Variants in MZT2B observed in about 807,000 individuals in gnomAD.
MZT2B encodes mitotic-spindle organizing protein 2B.
Under a neutral mutation model 12.1 loss-of-function variants are expected in MZT2B, and 11 were observed. The observed-to-expected ratio is 0.91, with a 90% confidence interval of 0.57 to 1.50. The LOEUF (loss-of-function observed/expected upper bound fraction) is 1.50, where lower values mean the gene tolerates loss of function less well. Ranked by LOEUF, MZT2B falls within the 40% of genes most tolerant of loss-of-function variation. The pLI is 0.00. For missense variants in MZT2B, 209 were observed against 227.7 expected, an observed-to-expected ratio of 0.92 and a Z score of 0.53; for synonymous variants, 85 against 109.5, an observed-to-expected ratio of 0.78 and a Z score of 1.40.
At chr2:130,184,880 G>A in intron 2 of MZT2B, 1 of 985,314 alleles carries the variant, frequency 1.0e-6, no homozygotes, top group Non-Finnish European at 1.2e-6. Context: ...AAAACCACCA[G>A]CGAGACCAGT....
the MZT2B span, among the ~76,000 whole-genome samples, chr2:130,203,450 C>T: frequency 6.6e-6 from 1 of 151,946 alleles, no homozygotes; most frequent in Non-Finnish European, 1.5e-5. Flanking sequence ...ACTAAACAGC[C>T]AGACTGTTGG....
downstream of MZT2B, chr2:130,194,419 A>C (rs1345675169): frequency 6.9e-6 from 11 of 1,601,460 alleles, no homozygotes; most frequent in Non-Finnish European, 9.4e-6. Flanking sequence ...TGCCGCCCCC[A>C]AAGCTGTGGA....
chr2:130,189,077 G>A (rs374627380), intron 2 of MZT2B, among the ~76,000 whole-genome samples: 14 of 152,242 alleles, frequency 9.2e-5, no homozygotes, highest in South Asian at 4.1e-4. Flanking sequence ...AACCTTTCCA[G>A]GATGAGAGCC....
downstream of MZT2B, among the ~76,000 whole-genome samples, chr2:130,192,876 G>A (rs1182172364): frequency 1.3e-5 from 2 of 152,064 alleles, no homozygotes; most frequent in Admixed American, 6.6e-5. Context: ...GGCAGATCAC[G>A]TGAGGCCAGG....
chr2:130,198,739 C>T, the MZT2B span, among the ~76,000 whole-genome samples: 3 of 123,708 alleles, frequency 2.4e-5, 1 homozygote, highest in African/African-American at 8.7e-5. Context: ...CTGCCCCTCC[C>T]TGATTGCCCC....
chr2:130,193,598 G>A (rs1406041716), downstream of MZT2B, among the ~76,000 whole-genome samples: 1 of 117,458 alleles, frequency 8.5e-6, no homozygotes, highest in African/African-American at 3.4e-5. Context: ...GACAGAGCAA[G>A]ACTGTCTCAA....
At chr2:130,198,842 C>T in the MZT2B span, among the ~76,000 whole-genome samples, 2 of 123,550 alleles carry the variant, frequency 1.6e-5, no homozygotes, top group Non-Finnish European at 3.6e-5. Context: ...ACAGCAGCAC[C>T]GCAATTATCC....
chr2:130,185,479 CAAA>C (rs11316338), intron 2 of MZT2B, among the ~76,000 whole-genome samples: 131 of 76,136 alleles, frequency 1.7e-3, no homozygotes, highest in East Asian at 2.9e-3. Context: ...GACCCTGTCT[CAAA>C]AAAAAAAAAA....
At chr2:130,185,740 C>T (rs1409986835) in intron 2 of MZT2B, among the ~76,000 whole-genome samples, 3 of 132,234 alleles carry the variant, frequency 2.3e-5, no homozygotes, top group Non-Finnish European at 4.8e-5. Context: ...ACTGGAAATG[C>T]AGGCATAGAG....
chr2:130,182,384 C>T lies in MZT2B; in HGVS notation c.102C>T (p.Ser34=). 5 of 1,555,492 alleles carry T rather than the reference C, an allele frequency of 3.2e-6. No individual in the cohort carries two copies. The highest frequency in any genetic ancestry group is 4.3e-6 in the Non-Finnish European group (5 of 1,154,306). The part of the protein sequence containing the change: ...KLALRRKKVL[S]TEEMELYELA... Reference sequence around the variant, plus strand: ...CGCTGCGGCGGAAGAAGGTGCTGAGCACCGAGGAGATGGAGCTGTACGAGC... The same window carrying T: ...CGCTGCGGCGGAAGAAGGTGCTGAGTACCGAGGAGATGGAGCTGTACGAGC... The change falls in exon 1 of 3, where the codon AGC becomes AGT. Residue 34 remains serine (S), a synonymous_variant. Coordinates refer to ENST00000281871, the MANE Select transcript of MZT2B (RefSeq NM_025029.5).
At chr2:130,184,267 G>C (rs1689962049) in intron 2 of MZT2B, 2 of 985,340 alleles carry the variant, frequency 2.0e-6, no homozygotes, top group Non-Finnish European at 2.4e-6. Context: ...GCCGGCCAGA[G>C]TGCGGTGTGC....
At chr2:130,196,905 C>G in the MZT2B span, among the ~76,000 whole-genome samples, 8 of 152,152 alleles carry the variant, frequency 5.3e-5, no homozygotes, top group African/African-American at 2.4e-5. Flanking sequence ...AGAGGCCTTC[C>G]TCGCCCTCTG....
At chr2:130,198,238 A>G in the MZT2B span, 36 of 1,156,492 alleles carry the variant, frequency 3.1e-5, 7 homozygotes, top group African/African-American at 5.3e-4. Context: ...CCCGCACTAG[A>G]CCCTGCGTCC....
At chr2:130,204,046 T>G in the MZT2B span, 1 of 396,404 alleles carries the variant, frequency 2.5e-6, no homozygotes, top group South Asian at 2.1e-5. Context: ...CTCCCATCTG[T>G]GGCTTTAATC....
At chr2:130,195,152 C>T (rs3863907), downstream of MZT2B, 636,823 of 1,531,672 alleles carry the variant, frequency 0.42, 147,866 homozygotes, top group African/African-American at 0.78. Context: ...GGCGTAATTA[C>T]TGGCTGCATC....
downstream of MZT2B, chr2:130,193,849 G>A (rs567079016): frequency 1.7e-5 from 28 of 1,614,132 alleles, no homozygotes; most frequent in East Asian, 4.5e-4. Context: ...TGGTGGCGAT[G>A]GCCGCATTGA....
At chr2:130,192,800 A>G (rs991864554), downstream of MZT2B, among the ~76,000 whole-genome samples, 4 of 152,214 alleles carry the variant, frequency 2.6e-5, no homozygotes, top group African/African-American at 7.2e-5. Context: ...CTCGTTCTAT[A>G]AATGACAACA....
At chr2:130,201,867 A>C in the MZT2B span, among the ~76,000 whole-genome samples, 1 of 152,222 alleles carries the variant, frequency 6.6e-6, no homozygotes, top group African/African-American at 2.4e-5. Context: ...TACAGCAAGG[A>C]TTTATGTATC....
intron 2 of MZT2B, 124 bp from the exon 3 acceptor site, chr2:130,190,345 T>G: frequency 1.4e-6 from 2 of 1,441,928 alleles, no homozygotes; most frequent in Non-Finnish European, 9.4e-7. Flanking sequence ...ATGCAGGGCC[T>G]CTAGCTGAAG....
Sources: gnomAD v4.1 joint callset for allele counts (sites outside exome capture counted in the v4.1 genomes callset) on GRCh38, gnomAD v4.1.1 for gene constraint, MANE v1.5 for transcripts, NCBI Gene and HGNC (gene_info 2026-07-23, HGNC 2026-07-21) for gene names.